Variants in FLI1 observed in about 807,000 individuals in gnomAD.
The protein encoded by FLI1 is Friend leukemia integration 1 transcription factor.
FLI1 carries 13 observed loss-of-function variants against 53.1 expected under a neutral mutation model. That is an observed-to-expected ratio of 0.24 (90% CI 0.16 to 0.39). The LOEUF (loss-of-function observed/expected upper bound fraction) is 0.39. Ranked by LOEUF, FLI1 falls within the 10% of genes least tolerant of loss-of-function variation. FLI1 has a pLI of 1.00. For missense variants in FLI1, 424 were observed against 600.5 expected (o/e 0.71, Z 3.07); for synonymous variants, 244 against 236.7 (o/e 1.03, Z -0.28).
chr11:128,748,165 A>C (rs1465927458), intron 1 of FLI1: 2 of 525,578 alleles, frequency 3.8e-6, no homozygotes, highest in Non-Finnish European at 4.9e-6. Flanking sequence ...CACTTAGGCT[A>C]TACCCTTCAT....
chr11:128,800,995 GGT>G (rs1273170835), intron 5 of FLI1, among the ~76,000 whole-genome samples: 1 of 152,190 alleles, frequency 6.6e-6, no homozygotes, highest in East Asian at 1.9e-4. Flanking sequence ...TCAGAACCAG[GGT>G]GTGATTGTCT....
chr11:128,780,548 T>C (rs545787082), intron 4 of FLI1, among the ~76,000 whole-genome samples: 12 of 152,300 alleles, frequency 7.9e-5, no homozygotes, highest in African/African-American at 2.9e-4. Context: ...TGAACTGAGA[T>C]CGCGCCATTG....
At chr11:128,769,462 G>A (rs962103128) in intron 3 of FLI1, among the ~76,000 whole-genome samples, 1 of 152,134 alleles carries the variant, frequency 6.6e-6, no homozygotes, top group Non-Finnish European at 1.5e-5. Flanking sequence ...CTGCTTGTAG[G>A]TCTAAAGGCA....
chr11:128,756,747 G>A (rs1940875581), intron 1 of FLI1, among the ~76,000 whole-genome samples: 1 of 152,066 alleles, frequency 6.6e-6, no homozygotes, highest in South Asian at 2.1e-4. Flanking sequence ...GACTTACTTT[G>A]GTGTAATTAT....
At chr11:128,692,400 A>G (rs144217150), upstream of FLI1, among the ~76,000 whole-genome samples, 1,011 of 151,876 alleles carry the variant, frequency 6.7e-3, 6 homozygotes, top group Non-Finnish European at 0.01. Context: ...AGCAGACAGG[A>G]GCGGGGGGAG....
chr11:128,709,482 C>T (rs973050110), intron 1 of FLI1, among the ~76,000 whole-genome samples: 1 of 152,170 alleles, frequency 6.6e-6, no homozygotes, highest in Non-Finnish European at 1.5e-5. Context: ...CCTACAAATG[C>T]ACAAGTACAG....
intron 1 of FLI1, among the ~76,000 whole-genome samples, chr11:128,726,620 T>C (rs1373096983): frequency 7.0e-6 from 1 of 142,108 alleles, no homozygotes; most frequent in Non-Finnish European, 1.5e-5. Context: ...CTTGGCTAGA[T>C]AGTTGGGCGG....
chr11:128,720,848 G>A (rs1360904206), intron 1 of FLI1, among the ~76,000 whole-genome samples: 1 of 152,158 alleles, frequency 6.6e-6, no homozygotes, highest in South Asian at 2.1e-4. Flanking sequence ...GTAAGAAAGA[G>A]GCCAGGCCCT....
At chr11:128,783,394 A>G (rs2284787) in intron 5 of FLI1, among the ~76,000 whole-genome samples, 27,989 of 152,178 alleles carry the variant, frequency 0.18, 4,114 homozygotes, top group African/African-American at 0.41. Flanking sequence ...GAATTATACA[A>G]CATAATGAAT....
upstream of FLI1, among the ~76,000 whole-genome samples, chr11:128,689,711 C>T (rs1172394220): frequency 6.6e-6 from 1 of 152,228 alleles, no homozygotes; most frequent in African/African-American, 2.4e-5. Context: ...ATCTTGGATC[C>T]GCCACTGGGC....
chr11:128,761,786 G>T (rs1426832533), intron 2 of FLI1, among the ~76,000 whole-genome samples: 1 of 152,144 alleles, frequency 6.6e-6, no homozygotes, highest in Non-Finnish European at 1.5e-5. Context: ...AAAGCCAGCT[G>T]GAGAGGGCCT....
At chr11:128,713,263 C>A (rs952032452) in intron 1 of FLI1, among the ~76,000 whole-genome samples, 2 of 152,316 alleles carry the variant, frequency 1.3e-5, no homozygotes, top group Admixed American at 1.3e-4. Context: ...CAATTAGAGT[C>A]TTTATTAGTC....
intron 2 of FLI1, among the ~76,000 whole-genome samples, chr11:128,764,424 CT>C (rs909411622): frequency 6.6e-6 from 1 of 152,216 alleles, no homozygotes; most frequent in African/African-American, 2.4e-5. Flanking sequence ...TGGAGATGTG[CT>C]GAGTTATTAC....
At position 128,812,712 on chromosome 11, in the gene FLI1, G is replaced by T. The variant is rs549974772; in HGVS notation, c.*1724G>T. 4.6e-6 allele frequency: 1 copy of T among 219,092 alleles called. No individual in the cohort carries two copies. Among genetic ancestry groups the T allele is most frequent in the East Asian group, 6.7e-5 (1 of 14,932 alleles). 13.6% of individuals were successfully genotyped at this position (219,092 alleles called of 1,614,324 possible). A position where few individuals can be genotyped will look rare whatever the true frequency, so the allele number is the denominator to read the frequency against. Reference sequence around the variant, plus strand: ...AAAGCGAGCTGGTCTATCCAGACTGGTCTGTGAGATTTAACTCTGCAGCCT... The same window carrying T: ...AAAGCGAGCTGGTCTATCCAGACTGTTCTGTGAGATTTAACTCTGCAGCCT... On this transcript the variant is annotated 3_prime_UTR_variant, in exon 9 of 9. Coordinates refer to ENST00000527786, the MANE Select transcript of FLI1 (RefSeq NM_002017.5).
intron 5 of FLI1, among the ~76,000 whole-genome samples, chr11:128,801,787 A>G (rs367677062): frequency 2.0e-5 from 3 of 152,368 alleles, no homozygotes; most frequent in East Asian, 1.9e-4. Context: ...CTTAGAGTCT[A>G]CTAACTCTGT....
At chr11:128,775,786 C>T (rs755711739) in intron 4 of FLI1, among the ~76,000 whole-genome samples, 6 of 152,142 alleles carry the variant, frequency 3.9e-5, no homozygotes, top group Non-Finnish European at 7.4e-5. Flanking sequence ...TCATCTTGTC[C>T]TTTCATTGGA....
chr11:128,801,967 G>A (rs1942648740), intron 5 of FLI1, among the ~76,000 whole-genome samples: 1 of 152,216 alleles, frequency 6.6e-6, no homozygotes, highest in East Asian at 1.9e-4. Context: ...GAGGAAGGAG[G>A]ATGAGGGAGT....
intron 1 of FLI1, among the ~76,000 whole-genome samples, chr11:128,699,718 A>G (rs1294925237): frequency 1.3e-5 from 2 of 152,224 alleles, no homozygotes; most frequent in Non-Finnish European, 1.5e-5. Context: ...TAGACCCACC[A>G]TCAGTTGCCT....
intron 2 of FLI1, among the ~76,000 whole-genome samples, chr11:128,762,675 C>T (rs1470610297): frequency 4.6e-5 from 7 of 152,108 alleles, no homozygotes; most frequent in African/African-American, 9.7e-5. Context: ...TTATGTAGCT[C>T]GGCCAGGTGT....
Sources: gnomAD v4.1 joint callset for allele counts (sites outside exome capture counted in the v4.1 genomes callset) on GRCh38, gnomAD v4.1.1 for gene constraint, MANE v1.5 for transcripts, NCBI Gene and HGNC (gene_info 2026-07-23, HGNC 2026-07-21) for gene names.